The following CDC42BPB variants were observed in gnomAD, a reference collection of about 807,000 sequenced individuals.
The protein encoded by CDC42BPB is serine/threonine-protein kinase MRCK beta.
CDC42BPB carries 37 observed loss-of-function variants against 214.9 expected under a neutral mutation model. The ratio of observed to expected loss-of-function variants is 0.17; its 90% CI spans 0.13 to 0.23. CDC42BPB has a LOEUF of 0.23. Ranked by LOEUF, CDC42BPB falls within the 10% of genes least tolerant of loss-of-function variation. CDC42BPB has a pLI of 1.00. For missense variants in CDC42BPB, 1,694 were observed against 2,227.0 expected, an observed-to-expected ratio of 0.76 and a Z score of 4.82; for synonymous variants, 931 against 884.0, an observed-to-expected ratio of 1.05 and a Z score of -0.94.
intron 7 of CDC42BPB, chr14:102,981,338 A>C: frequency 3.7e-6 from 1 of 268,762 alleles, no homozygotes; most frequent in Non-Finnish European, 5.7e-6. Flanking sequence ...GTCAGAATGC[A>C]CAGTGCACGC....
intron 1 of CDC42BPB, among the ~76,000 whole-genome samples, chr14:103,015,844 G>A (rs1406859971): frequency 1.3e-5 from 2 of 151,812 alleles, no homozygotes; most frequent in Non-Finnish European, 2.9e-5. Flanking sequence ...GAGTAGCCGG[G>A]ATTACAGGCA....
At chr14:102,964,154 G>A (rs968989054) in intron 19 of CDC42BPB, among the ~76,000 whole-genome samples, 2 of 152,228 alleles carry the variant, frequency 1.3e-5, no homozygotes, top group Non-Finnish European at 2.9e-5. Context: ...TGAATGGAGC[G>A]GCACGGAGGT....
intron 1 of CDC42BPB, among the ~76,000 whole-genome samples, chr14:103,023,912 A>G (rs1886908224): frequency 6.6e-6 from 1 of 152,194 alleles, no homozygotes; most frequent in African/African-American, 2.4e-5. Flanking sequence ...CTAGTCCCAG[A>G]GGGAGCCCCC....
intron 1 of CDC42BPB, among the ~76,000 whole-genome samples, chr14:103,044,082 C>A (rs1888156634): frequency 6.6e-6 from 1 of 152,284 alleles, no homozygotes; most frequent in Non-Finnish European, 1.5e-5. Flanking sequence ...GCTAGTCAGA[C>A]AGTATTTCCC....
At position 103,056,990 on chromosome 14, in the gene CDC42BPB, C is replaced by A; in HGVS notation, c.175+9G>T. On this transcript the variant is annotated intron_variant, in intron 1 of 36. Transcript: ENST00000361246. ...AGCCGCAGGTCCGGCCCTGCCGGCG[C>A]GCACTTACCCCACTCGAGGAACTCG... The A allele has an allele frequency of 7.0e-7, 1 of 1,419,234 alleles. No individual in the cohort carries two copies. Among genetic ancestry groups the A allele is most frequent in the African/African-American group, 1.5e-5 (1 of 67,162 alleles). The allele number at this position is 1,419,234 out of a possible 1,614,324, so 87.9% of individuals were successfully genotyped here.
chr14:103,053,468 T>C lies in CDC42BPB; in HGVS notation c.175+3531A>G, dbSNP rs150200234. Among the ~76,000 whole-genome samples, 11 of 150,874 alleles carry C rather than the reference T, an allele frequency of 7.3e-5. No homozygotes were observed. In the East Asian group the frequency reaches 2.0e-3, roughly 28 times the overall value. On this transcript the variant is annotated intron_variant, in intron 1 of 36. Coordinates refer to ENST00000361246, the MANE Select transcript of CDC42BPB (RefSeq NM_006035.4). ...TAAAGACAAAAACCTACAATGAAAG[T>C]TGAAATGACTCGGCCAGGCACGGTG...
chr14:102,952,012 G>A (rs1892512596), intron 24 of CDC42BPB, among the ~76,000 whole-genome samples: 1 of 152,132 alleles, frequency 6.6e-6, no homozygotes, highest in African/African-American at 2.4e-5. Flanking sequence ...CAGCACAGCA[G>A]GGATCCACGG....
intron 5 of CDC42BPB, among the ~76,000 whole-genome samples, chr14:102,997,641 G>A (rs183667878): frequency 1.3e-5 from 2 of 152,292 alleles, no homozygotes; most frequent in African/African-American, 4.8e-5. Context: ...GCTTCATAAC[G>A]TGGCCACAAT....
chr14:102,985,024 A>T (rs756734235), intron 6 of CDC42BPB, among the ~76,000 whole-genome samples: 58 of 122,208 alleles, frequency 4.7e-4, no homozygotes, highest in South Asian at 1.7e-3. Flanking sequence ...GCTCTGGTTA[A>T]ACCATGACGG....
intron 1 of CDC42BPB, among the ~76,000 whole-genome samples, chr14:103,013,230 GCA>G (rs566265568): frequency 2.1e-4 from 32 of 152,202 alleles, no homozygotes; most frequent in Non-Finnish European, 4.6e-4. Flanking sequence ...GAGCCACGGG[GCA>G]GCTCAGGGAA....
chr14:103,035,339 G>A (rs536661557), intron 1 of CDC42BPB, among the ~76,000 whole-genome samples: 2 of 152,088 alleles, frequency 1.3e-5, no homozygotes, highest in African/African-American at 4.8e-5. Context: ...TTACAGGTGT[G>A]AGCCACCGCG....
At chr14:102,945,008 A>G (rs1035724137) in intron 29 of CDC42BPB, among the ~76,000 whole-genome samples, 2 of 152,024 alleles carry the variant, frequency 1.3e-5, no homozygotes, top group African/African-American at 2.4e-5. Context: ...CCCAGTGAAG[A>G]CGCCGCCCTC....
rs1427770799 is a variant in CDC42BPB, at chr14:102,986,717, C to T, written c.597-137G>A. ...CAGCTGTCACCATCCAGTACAAATGCCTCTGTGTGACATTCAGCTGGCATG... is the reference window on the plus strand; with the variant it reads ...CAGCTGTCACCATCCAGTACAAATGTCTCTGTGTGACATTCAGCTGGCATG... On this transcript the variant is annotated intron_variant, in intron 5 of 36. Coordinates refer to ENST00000361246, the MANE Select transcript of CDC42BPB (RefSeq NM_006035.4). 2.0e-5 allele frequency: 27 copies of T among 1,358,852 alleles called. No homozygotes were observed. In the East Asian group the frequency reaches 6.5e-4, roughly 33 times the overall value. 84.2% of individuals were successfully genotyped at this position (1,358,852 alleles called of 1,614,324 possible).
chr14:103,009,346 T>C (rs918514250), intron 2 of CDC42BPB, among the ~76,000 whole-genome samples: 10 of 152,212 alleles, frequency 6.6e-5, no homozygotes, highest in African/African-American at 2.4e-4. Context: ...GAGACGGTGT[T>C]GAGCCGCGCA....
At chr14:102,959,838 T>TAAAAAA (rs35833302) in intron 20 of CDC42BPB, 128 bp from the exon 21 acceptor site, 15 of 718,842 alleles carry the variant, frequency 2.1e-5, no homozygotes, top group Non-Finnish European at 2.1e-5. Context: ...TGATCACAAT[T>TAAAAAA]AAAAAAAAAA....
intron 2 of CDC42BPB, among the ~76,000 whole-genome samples, chr14:103,010,886 C>T (rs1886118277): frequency 6.6e-6 from 1 of 152,228 alleles, no homozygotes; most frequent in Non-Finnish European, 1.5e-5. Flanking sequence ...AAAAAATTAG[C>T]TGGCCTGGTG....
Position 102,946,516 on chromosome 14 carries a change from C to A in CDC42BPB, c.3700G>T (p.Asp1234Tyr). The change falls in exon 28 of 37, where the codon GAC becomes TAC. Residue 1234 changes from aspartate to tyrosine, a missense_variant. By Grantham distance (160) the Asp-to-Tyr change is radical (BLOSUM62 -3). Coordinates refer to ENST00000361246, the MANE Select transcript of CDC42BPB (RefSeq NM_006035.4). ...QVVHVPLEAY[D>Y]SSLPLIKAIL... ...GCCTTGATGAGAGGCAGCGAGCTGT[C>A]GTAGGCTTCCAAGGGAACATGCACG... 6.2e-7 allele frequency: 1 copy of A among 1,612,764 alleles called. No individual in the cohort carries two copies. The highest frequency in any genetic ancestry group is 1.1e-5 in the South Asian group (1 of 91,074).
At chr14:102,999,427 T>C in intron 5 of CDC42BPB, 138 bp downstream of exon 5, 1 of 728,830 alleles carries the variant, frequency 1.4e-6, no homozygotes, top group Non-Finnish European at 2.3e-6. Context: ...TGTGGGCAAA[T>C]CAGTCTGTGC....
At chr14:102,974,301 C>CAG in intron 11 of CDC42BPB, 152 bp from the exon 12 acceptor site, 3 of 1,451,636 alleles carry the variant, frequency 2.1e-6, no homozygotes, top group Non-Finnish European at 2.7e-6. Flanking sequence ...CACACACACA[C>CAG]ACACACACAC....
Sources: allele counts gnomAD v4.1 joint callset (sites outside exome capture counted in the v4.1 genomes callset), GRCh38; gene constraint gnomAD v4.1.1; transcripts MANE v1.5; gene names NCBI Gene and HGNC (gene_info 2026-07-23, HGNC 2026-07-21).